The following CSMD1 variants were observed in gnomAD, a reference collection of about 807,000 sequenced individuals.
The protein encoded by CSMD1 is CUB and Sushi multiple domains 1, also known as CUB and sushi domain-containing protein 1.
In CSMD1, 213 loss-of-function variants were observed where a neutral mutation model predicts 417.5. That is an observed-to-expected ratio of 0.51 (90% CI 0.46 to 0.57). CSMD1 has a LOEUF of 0.57. CSMD1 is among the 20% of genes least tolerant of loss of function. The pLI is 0.00. For missense variants in CSMD1, 6,923 were observed against 4,529.7 expected, an observed-to-expected ratio of 1.53 and a Z score of -15.17; for synonymous variants, 2,862 against 1,736.8, an observed-to-expected ratio of 1.65 and a Z score of -16.11.
At chr8:3,505,286 A>G (rs1316649302) in intron 10 of CSMD1, among the ~76,000 whole-genome samples, 1 of 152,252 alleles carries the variant, frequency 6.6e-6, no homozygotes, top group Non-Finnish European at 1.5e-5. Context: ...ATTTACATCA[A>G]TCAACCAAAG....
At chr8:4,244,532 TC>T (rs1445444860) in intron 3 of CSMD1, among the ~76,000 whole-genome samples, 10 of 152,002 alleles carry the variant, frequency 6.6e-5, no homozygotes, top group Non-Finnish European at 1.0e-4. Flanking sequence ...AATAAAATTT[TC>T]TTTCTTTTTT....
At chr8:4,909,593 G>C (rs76147619) in intron 1 of CSMD1, among the ~76,000 whole-genome samples, 1,545 of 152,188 alleles carry the variant, frequency 0.01, 28 homozygotes, top group African/African-American at 0.036. Context: ...GGATATTCCT[G>C]GAATTTTCAC....
intron 1 of CSMD1, among the ~76,000 whole-genome samples, chr8:4,735,459 G>C (rs1202317419): frequency 1.3e-5 from 2 of 152,106 alleles, no homozygotes; most frequent in Non-Finnish European, 2.9e-5. Flanking sequence ...AGTGTTGTAG[G>C]ACGACAGATT....
At chr8:3,380,955 G>A (rs957419250) in intron 18 of CSMD1, among the ~76,000 whole-genome samples, 1 of 151,970 alleles carries the variant, frequency 6.6e-6, no homozygotes, top group African/African-American at 2.4e-5. Context: ...AATGCTCAAA[G>A]AAGAATTTGG....
chr8:3,654,275 A>T (rs914365135), intron 7 of CSMD1, among the ~76,000 whole-genome samples: 1 of 152,174 alleles, frequency 6.6e-6, no homozygotes, highest in Non-Finnish European at 1.5e-5. Flanking sequence ...TCTTAGCCAA[A>T]ATTTAAGTAC....
intron 5 of CSMD1, among the ~76,000 whole-genome samples, chr8:3,873,983 G>C (rs192154885): frequency 3.1e-4 from 47 of 152,274 alleles, no homozygotes; most frequent in Admixed American, 2.9e-3. Flanking sequence ...GGTGACATAG[G>C]TCTGTTTATA....
chr8:4,121,188 C>T (rs939178206), intron 3 of CSMD1, among the ~76,000 whole-genome samples: 1 of 152,088 alleles, frequency 6.6e-6, no homozygotes, highest in African/African-American at 2.4e-5. Context: ...GATCTTAGCT[C>T]ACAGCAACCT....
chr8:4,834,736 C>G (rs1800357346), intron 1 of CSMD1, among the ~76,000 whole-genome samples: 2 of 151,516 alleles, frequency 1.3e-5, no homozygotes, highest in Admixed American at 1.3e-4. Context: ...GCGGGCGGAT[C>G]ACGACATCAG....
chr8:4,319,109 G>GT (rs1394482937), intron 3 of CSMD1, among the ~76,000 whole-genome samples: 3 of 152,088 alleles, frequency 2.0e-5, no homozygotes, highest in Non-Finnish European at 2.9e-5. Flanking sequence ...TAGTAACAAA[G>GT]TAAGGAGGAT....
At chr8:4,133,340 G>A (rs960755677) in intron 3 of CSMD1, among the ~76,000 whole-genome samples, 53 of 152,298 alleles carry the variant, frequency 3.5e-4, no homozygotes, top group Admixed American at 3.5e-3. Flanking sequence ...AGACTTCTCA[G>A]CATGGTAAGC....
At chr8:3,967,286 T>C (rs1812741800) in intron 5 of CSMD1, among the ~76,000 whole-genome samples, 1 of 152,166 alleles carries the variant, frequency 6.6e-6, no homozygotes, top group African/African-American at 2.4e-5. Context: ...ACTGTTCTTG[T>C]TCCCTTTGTT....
At chr8:4,908,796 A>G (rs941790430) in intron 1 of CSMD1, among the ~76,000 whole-genome samples, 2 of 152,096 alleles carry the variant, frequency 1.3e-5, no homozygotes, top group African/African-American at 4.8e-5. Flanking sequence ...ATCTGCTCTT[A>G]CATGTTGTCT....
At chr8:3,363,174 A>G (rs1467933168) in intron 20 of CSMD1, among the ~76,000 whole-genome samples, 1 of 152,116 alleles carries the variant, frequency 6.6e-6, no homozygotes, top group Non-Finnish European at 1.5e-5. Context: ...TGGCCTGTCC[A>G]TTCCCTGCTT....
At chr8:4,179,782 C>A (rs986363925) in intron 3 of CSMD1, among the ~76,000 whole-genome samples, 1 of 152,054 alleles carries the variant, frequency 6.6e-6, no homozygotes, top group African/African-American at 2.4e-5. Context: ...TGAACAGACA[C>A]TTCTCAAAAG....
intron 7 of CSMD1, among the ~76,000 whole-genome samples, chr8:3,626,391 G>A (rs888504090): frequency 2.6e-5 from 4 of 152,062 alleles, no homozygotes; most frequent in African/African-American, 9.7e-5. Context: ...CATTTGACTA[G>A]GCCAGTTTAT....
chr8:3,743,281 C>T (rs756420456), intron 6 of CSMD1, among the ~76,000 whole-genome samples: 1 of 152,172 alleles, frequency 6.6e-6, no homozygotes, highest in Non-Finnish European at 1.5e-5. Context: ...GAACATGAAG[C>T]GAATTCTGCC....
At chr8:4,028,968 T>C (rs1456216107) in intron 4 of CSMD1, among the ~76,000 whole-genome samples, 2 of 152,214 alleles carry the variant, frequency 1.3e-5, no homozygotes, top group African/African-American at 4.8e-5. Flanking sequence ...ATAGCAGTGT[T>C]GCAGGTAAAG....
chr8:3,718,135 G>C (rs901953269), intron 6 of CSMD1, among the ~76,000 whole-genome samples: 1 of 152,060 alleles, frequency 6.6e-6, no homozygotes, highest in Admixed American at 6.6e-5. Context: ...TCATTCTTTG[G>C]GATAAATCTA....
chr8:3,474,833 A>G (rs1379465612), intron 11 of CSMD1, among the ~76,000 whole-genome samples: 2 of 152,226 alleles, frequency 1.3e-5, no homozygotes, highest in Non-Finnish European at 2.9e-5. Flanking sequence ...ACTCTATAGT[A>G]CATATTGTTC....
Sources: gnomAD v4.1 joint callset for allele counts (sites outside exome capture counted in the v4.1 genomes callset) on GRCh38, gnomAD v4.1.1 for gene constraint, MANE v1.5 for transcripts, NCBI Gene and HGNC (gene_info 2026-07-23, HGNC 2026-07-21) for gene names.